Variants in PTPRO observed in about 807,000 individuals in gnomAD.
PTPRO encodes the protein protein tyrosine phosphatase receptor type O.
Under a neutral mutation model 145.2 loss-of-function variants are expected in PTPRO, and 62 were observed. That is an observed-to-expected ratio of 0.43 (90% confidence interval 0.35 to 0.53). PTPRO has a LOEUF of 0.53. Ranked by LOEUF, PTPRO falls within the 20% of genes least tolerant of loss-of-function variation. The probability of loss-of-function intolerance (pLI) is 0.01; values close to 1 mark genes in which losing one functional copy is unlikely to be tolerated. For missense variants in PTPRO, 1,345 were observed against 1,482.7 expected (o/e 0.91, Z 1.53); for synonymous variants, 565 against 514.7 (o/e 1.10, Z -1.32).
intron 17 of PTPRO, among the ~76,000 whole-genome samples, chr12:15,563,660 GA>G (rs1406043906): frequency 2.0e-5 from 3 of 152,018 alleles, no homozygotes; most frequent in Non-Finnish European, 2.9e-5. Context: ...GAGATTGAAA[GA>G]AAAAAAATGT....
chr12:15,531,823 T>G (rs1026366331), intron 12 of PTPRO, among the ~76,000 whole-genome samples: 1 of 152,218 alleles, frequency 6.6e-6, no homozygotes, highest in Non-Finnish European at 1.5e-5. Context: ...TTCCACATAG[T>G]TAATGCAATT....
chr12:15,515,574 G>C lies in PTPRO; in HGVS notation c.1541G>C (p.Gly514Ala). Residue 514 changes from glycine to alanine, a missense_variant, in exon 8 of 27, where the codon GGC (glycine) becomes GCC (alanine). Coordinates refer to ENST00000281171, the MANE Select transcript of PTPRO (RefSeq NM_030667.3). ...QYQVVIYLRKGPLIGPPSDPV... is the reference protein window; with the variant it reads ...QYQVVIYLRKAPLIGPPSDPV... ...CAGGTTGTAATATACCTAAGGAAAG[G>C]CCCTTTGATTGGACCACCTTCAGAT... is the stretch of plus-strand genomic sequence containing the variant. 1 of 1,613,940 alleles carries C rather than the reference G, an allele frequency of 6.2e-7. No homozygotes were observed. Among genetic ancestry groups the C allele is most frequent in the Non-Finnish European group, 8.5e-7 (1 of 1,179,966 alleles).
At chr12:15,396,932 A>G (rs1054931691) in intron 1 of PTPRO, among the ~76,000 whole-genome samples, 4 of 152,196 alleles carry the variant, frequency 2.6e-5, no homozygotes, top group Non-Finnish European at 5.9e-5. Context: ...GAAGTGGCTA[A>G]GTTCTATGGC....
chr12:15,449,292 G>A (rs1405037895), intron 1 of PTPRO, among the ~76,000 whole-genome samples: 1 of 152,204 alleles, frequency 6.6e-6, no homozygotes, highest in Non-Finnish European at 1.5e-5. Context: ...ATTGTTACAG[G>A]TGCATACTCC....
At position 15,381,459 on chromosome 12, in the gene PTPRO, C is replaced by T. The variant is rs529155169; in HGVS notation, c.75+58658C>T. 2.8e-4 allele frequency among the ~76,000 whole-genome samples: 42 copies of T among 152,126 alleles called. No individual in the cohort carries two copies. The East Asian group carries it at 7.5e-3, about 27-fold the overall frequency. On this transcript the variant is annotated intron_variant, in intron 1 of 26. Coordinates refer to ENST00000281171, the MANE Select transcript of PTPRO (RefSeq NM_030667.3). ...ATAAAGCCATGAATGCTGAATGTGC[C>T]GTGTTTTTTCAGCCAACAATGGGCA... is the stretch of plus-strand genomic sequence containing the variant.
chr12:15,393,664 G>T (rs1383669186), intron 1 of PTPRO, among the ~76,000 whole-genome samples: 5 of 147,720 alleles, frequency 3.4e-5, no homozygotes, highest in Admixed American at 3.4e-4. Context: ...TTCTGTTTAA[G>T]TTTGTCTTCT....
At chr12:15,452,977 G>A (rs1941084716) in intron 1 of PTPRO, among the ~76,000 whole-genome samples, 1 of 152,074 alleles carries the variant, frequency 6.6e-6, no homozygotes. Context: ...GTGAGAAAAA[G>A]AATATTTAAG....
chr12:15,396,095 G>A (rs1939331458), intron 1 of PTPRO, among the ~76,000 whole-genome samples: 1 of 152,166 alleles, frequency 6.6e-6, no homozygotes, highest in African/African-American at 2.4e-5. Context: ...ATATTCTATA[G>A]AAGTTAATTT....
chr12:15,327,485 T>C (rs1341578397), intron 1 of PTPRO, among the ~76,000 whole-genome samples: 2 of 152,180 alleles, frequency 1.3e-5, no homozygotes, highest in Non-Finnish European at 2.9e-5. Flanking sequence ...GTGTTCCTAG[T>C]AGAAATCCTC....
intron 10 of PTPRO, among the ~76,000 whole-genome samples, chr12:15,521,378 C>A (rs1256648828): frequency 6.6e-6 from 1 of 152,086 alleles, no homozygotes; most frequent in Non-Finnish European, 1.5e-5. Flanking sequence ...TGAAAGAATA[C>A]CCAAAAAGGA....
At chr12:15,421,904 G>A (rs1020598641) in intron 1 of PTPRO, among the ~76,000 whole-genome samples, 9 of 152,132 alleles carry the variant, frequency 5.9e-5, no homozygotes, top group South Asian at 2.1e-4. Context: ...GACAGGATTA[G>A]CACCTATCTC....
chr12:15,594,758 T>C (rs1944623878), intron 25 of PTPRO, among the ~76,000 whole-genome samples, 179 bp from the exon 26 acceptor site: 1 of 152,168 alleles, frequency 6.6e-6, no homozygotes, highest in South Asian at 2.1e-4. Flanking sequence ...GCTCTGTTAT[T>C]AATCAAAATA....
At chr12:15,408,712 G>C (rs376294779) in intron 1 of PTPRO, among the ~76,000 whole-genome samples, 1 of 152,170 alleles carries the variant, frequency 6.6e-6, no homozygotes, top group East Asian at 1.9e-4. Flanking sequence ...ACAGGCGTGA[G>C]CCACCGTGCC....
At chr12:15,575,487 GA>G (rs1337026487) in intron 19 of PTPRO, among the ~76,000 whole-genome samples, 1 of 152,182 alleles carries the variant, frequency 6.6e-6, no homozygotes, top group Non-Finnish European at 1.5e-5. Flanking sequence ...CCAGCCTCCA[GA>G]ACTGTGAGAC....
At chr12:15,538,570 C>T in intron 12 of PTPRO, among the ~76,000 whole-genome samples, 1 of 152,168 alleles carries the variant, frequency 6.6e-6, no homozygotes, top group Non-Finnish European at 1.5e-5. Context: ...TCATAAGGTA[C>T]TGCATATTCT....
At chr12:15,349,849 G>T (rs1187478846) in intron 1 of PTPRO, among the ~76,000 whole-genome samples, 1 of 152,190 alleles carries the variant, frequency 6.6e-6, no homozygotes, top group Non-Finnish European at 1.5e-5. Context: ...CGTAGGACAA[G>T]GGAAAGAGAG....
At chr12:15,447,509 G>C (rs1940930701) in intron 1 of PTPRO, among the ~76,000 whole-genome samples, 1 of 152,104 alleles carries the variant, frequency 6.6e-6, no homozygotes, top group African/African-American at 2.4e-5. Flanking sequence ...GATGGAGAAG[G>C]TTTTGATGAG....
At chr12:15,396,592 AATTC>A (rs1939346563) in intron 1 of PTPRO, among the ~76,000 whole-genome samples, 1 of 152,192 alleles carries the variant, frequency 6.6e-6, no homozygotes, top group African/African-American at 2.4e-5. Context: ...ATCAAAAGGG[AATTC>A]TTCATTGAAC....
rs1939807332 is a variant in PTPRO, at chr12:15,411,772, A to T, written c.76-72202A>T. On this transcript the variant is annotated intron_variant, in intron 1 of 26. Transcript: ENST00000281171. ...CCTACTTAGAAAGTGGTGTCATGTT[A>T]TTCCATTTTTCAAGAGTTTAATCCT... 2.0e-5 allele frequency among the ~76,000 whole-genome samples: 3 copies of T among 152,238 alleles called. No homozygotes were observed. The South Asian group carries it at 6.2e-4, about 32-fold the overall frequency.
Sources: gnomAD v4.1 joint callset for allele counts (sites outside exome capture counted in the v4.1 genomes callset) on GRCh38, gnomAD v4.1.1 for gene constraint, MANE v1.5 for transcripts, NCBI Gene and HGNC (gene_info 2026-07-23, HGNC 2026-07-21) for gene names.